Variants in LRP1B observed in about 807,000 individuals in gnomAD.
LRP1B encodes the protein low-density lipoprotein receptor-related protein 1B.
A neutral mutation model predicts 556.6 loss-of-function variants in LRP1B; 217 were observed. That is an observed-to-expected ratio of 0.39 (90% CI 0.35 to 0.44). The LOEUF (loss-of-function observed/expected upper bound fraction) is 0.44. Ranked by LOEUF, LRP1B falls within the 20% of genes least tolerant of loss-of-function variation. LRP1B has a pLI of 1.00. For synonymous variants in LRP1B, 2,047 were observed against 1,865.8 expected (o/e 1.10, Z -2.50); for missense variants, 5,053 against 5,620.8 (o/e 0.90, Z 3.23).
chr2:141,714,654 T>C (rs1218227147), intron 2 of LRP1B, among the ~76,000 whole-genome samples: 2 of 152,174 alleles, frequency 1.3e-5, no homozygotes, highest in East Asian at 3.9e-4. Flanking sequence ...AGGCAGAGAC[T>C]GTTAGAAACG....
chr2:141,890,522 G>T (rs1208072785), intron 1 of LRP1B, among the ~76,000 whole-genome samples: 1 of 151,484 alleles, frequency 6.6e-6, no homozygotes, highest in Non-Finnish European at 1.5e-5. Context: ...TTGGTGAATG[G>T]AAGTAAGCAT....
At chr2:141,956,984 G>T (rs990480787) in intron 1 of LRP1B, among the ~76,000 whole-genome samples, 3 of 151,992 alleles carry the variant, frequency 2.0e-5, no homozygotes, top group East Asian at 3.9e-4. Flanking sequence ...CTTCCTGTCA[G>T]CTACTTTTGA....
At chr2:141,092,734 T>A (rs183923500) in intron 7 of LRP1B, among the ~76,000 whole-genome samples, 1 of 152,126 alleles carries the variant, frequency 6.6e-6, no homozygotes, top group Admixed American at 6.5e-5. Flanking sequence ...TGAAGTCAAG[T>A]GAAGGAAGTG....
intron 1 of LRP1B, among the ~76,000 whole-genome samples, chr2:141,885,478 AAAAC>A (rs138474799): frequency 0.061 from 9,337 of 152,070 alleles, 928 homozygotes; most frequent in African/African-American, 0.21. Context: ...TTCTTTTTGT[AAAAC>A]AAACAAACAA....
intron 77 of LRP1B, 77 bp downstream of exon 77, chr2:140,350,720 T>C: frequency 7.9e-7 from 1 of 1,258,554 alleles, no homozygotes. Context: ...AATTAGATAT[T>C]ATATTAGATA....
At chr2:140,893,617 T>A (rs1409632677) in intron 23 of LRP1B, among the ~76,000 whole-genome samples, 1 of 152,202 alleles carries the variant, frequency 6.6e-6, no homozygotes, top group African/African-American at 2.4e-5. Flanking sequence ...TTGGGAGTAA[T>A]AAATACATGA....
chr2:140,375,758 C>T lies in LRP1B; in HGVS notation c.10638+2422G>A, dbSNP rs1268924637. On this transcript the variant is annotated intron_variant, in intron 68 of 90. Transcript: ENST00000389484. ...GTTTTTTTGTTCTTACAACATATTACGCTAAATGTAGAGCAAAAATATTAT... is the reference window on the plus strand; with the variant it reads ...GTTTTTTTGTTCTTACAACATATTATGCTAAATGTAGAGCAAAAATATTAT... 2.6e-5 allele frequency among the ~76,000 whole-genome samples: 4 copies of T among 151,972 alleles called. No individual in the cohort carries two copies. In the East Asian group the frequency reaches 5.8e-4, roughly 22 times the overall value.
At chr2:141,752,529 G>T (rs1314018617) in intron 2 of LRP1B, among the ~76,000 whole-genome samples, 1 of 152,050 alleles carries the variant, frequency 6.6e-6, no homozygotes, top group Non-Finnish European at 1.5e-5. Context: ...CCTGTGGTCT[G>T]CTTAGGGCTC....
At chr2:140,482,157 A>G (rs982565780) in intron 59 of LRP1B, among the ~76,000 whole-genome samples, 2 of 123,424 alleles carry the variant, frequency 1.6e-5, no homozygotes, top group Admixed American at 8.2e-5. Context: ...ATTTTATTTT[A>G]GAGTGTAACA....
chr2:140,891,837 C>T (rs1049824929), intron 23 of LRP1B, among the ~76,000 whole-genome samples: 1 of 152,034 alleles, frequency 6.6e-6, no homozygotes, highest in Admixed American at 6.6e-5. Context: ...TTTTTAAGAA[C>T]CAATTTTTTG....
intron 46 of LRP1B, 87 bp from the exon 47 acceptor site, chr2:140,534,227 A>AATCCAGTCATT: frequency 1.6e-6 from 2 of 1,231,108 alleles, no homozygotes; most frequent in African/African-American, 1.5e-5. Context: ...TTTCATTCAT[A>AATCCAGTCATT]ATGACTGGAT....
At chr2:140,764,024 A>G (rs888486219) in intron 35 of LRP1B, among the ~76,000 whole-genome samples, 4 of 152,190 alleles carry the variant, frequency 2.6e-5, no homozygotes, top group Non-Finnish European at 5.9e-5. Flanking sequence ...TCCCAAAGCA[A>G]CAATATTATA....
intron 32 of LRP1B, among the ~76,000 whole-genome samples, chr2:140,799,955 A>G (rs2105006128): frequency 6.6e-6 from 1 of 152,268 alleles, no homozygotes; most frequent in Admixed American, 6.5e-5. Flanking sequence ...AAGCAGGGTG[A>G]GGCATTGCCT....
chr2:141,360,912 A>C (rs1288548596), intron 3 of LRP1B, among the ~76,000 whole-genome samples: 6 of 152,228 alleles, frequency 3.9e-5, no homozygotes, highest in Admixed American at 1.3e-4. Flanking sequence ...AAGTGATGTG[A>C]AAGTATTAAA....
At chr2:141,916,466 G>A (rs1257530414) in intron 1 of LRP1B, among the ~76,000 whole-genome samples, 2 of 151,212 alleles carry the variant, frequency 1.3e-5, no homozygotes, top group Non-Finnish European at 2.9e-5. Context: ...CTGGGTTCAC[G>A]CCATCCTCCT....
rs1046975944 is a variant in LRP1B at position 141,701,921 on chromosome 2, C to T, written c.205+108358G>A. 4.0e-4 allele frequency among the ~76,000 whole-genome samples: 60 copies of T among 151,754 alleles called. 1 individual carries two copies. In the Admixed American group the frequency reaches 4.0e-3, roughly 10 times the overall value. On this transcript the variant is annotated intron_variant, in intron 2 of 90. Coordinates refer to ENST00000389484, the MANE Select transcript of LRP1B (RefSeq NM_018557.3). ...TTACAAAGAGACAAATGTGATTGTC[C>T]CAATCCTCTAGTAGTTTATAATGTA...
chr2:141,427,716 G>T (rs1680420289), intron 3 of LRP1B, among the ~76,000 whole-genome samples: 2 of 151,956 alleles, frequency 1.3e-5, no homozygotes, highest in Non-Finnish European at 2.9e-5. Context: ...TTGGTTAATT[G>T]TTTCTCAAAT....
rs116753457 is a variant in LRP1B, at chr2:141,132,966, A to C, written c.1013+55455T>G. ...GATTCCATATTGAATAATAAAAGTC[A>C]CTCCATATGTTTTAAGAGATGAAAA... On this transcript the variant is annotated intron_variant, in intron 7 of 90. Coordinates refer to ENST00000389484, the MANE Select transcript of LRP1B (RefSeq NM_018557.3). Among the ~76,000 whole-genome samples, 1,042 of 151,984 alleles carry C rather than the reference A, an allele frequency of 6.9e-3. 11 individuals carry two copies. The highest frequency in any genetic ancestry group is 0.024 in the African/African-American group (987 of 41,466).
chr2:141,671,745 A>G (rs1419529316), intron 2 of LRP1B, among the ~76,000 whole-genome samples: 3 of 152,184 alleles, frequency 2.0e-5, no homozygotes, highest in Non-Finnish European at 4.4e-5. Context: ...ATTATCTGGC[A>G]GAAAATAGGT....
Sources: allele counts gnomAD v4.1 joint callset (sites outside exome capture counted in the v4.1 genomes callset), GRCh38; gene constraint gnomAD v4.1.1; transcripts MANE v1.5; gene names NCBI Gene and HGNC (gene_info 2026-07-23, HGNC 2026-07-21).